PLCH1: variants seen among roughly 807,000 people sequenced by gnomAD.
The protein encoded by PLCH1 is 1-phosphatidylinositol 4,5-bisphosphate phosphodiesterase eta-1.
Under a neutral mutation model 126.7 loss-of-function variants are expected in PLCH1, and 60 were observed. That is an observed-to-expected ratio of 0.47 (90% CI 0.38 to 0.59). The LOEUF is 0.59. PLCH1 is among the 20% of genes least tolerant of loss of function. The pLI is 0.00. For missense variants in PLCH1, 1,723 were observed against 2,040.0 expected, an observed-to-expected ratio of 0.84 and a Z score of 2.99; for synonymous variants, 719 against 734.9, an observed-to-expected ratio of 0.98 and a Z score of 0.35.
intron 2 of PLCH1, among the ~76,000 whole-genome samples, chr3:155,618,833 A>T (rs932151251): frequency 2.0e-5 from 3 of 152,122 alleles, no homozygotes; most frequent in Admixed American, 2.0e-4. Flanking sequence ...GCCACAGGCC[A>T]GACCACCAAG....
intron 12 of PLCH1, among the ~76,000 whole-genome samples, chr3:155,511,811 C>G (rs2108217686): frequency 6.6e-6 from 1 of 151,532 alleles, no homozygotes; most frequent in South Asian, 2.1e-4. Context: ...GTTTGTTTGT[C>G]TGTGCCCTGC....
At chr3:155,505,688 T>C (rs2108173888) in intron 12 of PLCH1, among the ~76,000 whole-genome samples, 1 of 152,254 alleles carries the variant, frequency 6.6e-6, no homozygotes, top group Middle Eastern at 3.4e-3. Context: ...ACAAGGTGAT[T>C]GATGTTAGGT....
At chr3:155,570,487 G>A (rs1729055329) in intron 6 of PLCH1, among the ~76,000 whole-genome samples, 1 of 152,134 alleles carries the variant, frequency 6.6e-6, no homozygotes, top group Non-Finnish European at 1.5e-5. Context: ...GGCAACTGGT[G>A]CTAAAAGAAG....
At chr3:155,462,576 G>A (rs183382675) in intron 21 of PLCH1, among the ~76,000 whole-genome samples, 26 of 152,178 alleles carry the variant, frequency 1.7e-4, no homozygotes, top group Non-Finnish European at 2.9e-4. Flanking sequence ...TCTTGTTCTC[G>A]TACAACATTT....
At chr3:155,623,150 T>C (rs1736739161) in intron 2 of PLCH1, among the ~76,000 whole-genome samples, 1 of 150,358 alleles carries the variant, frequency 6.7e-6, no homozygotes, top group Admixed American at 6.6e-5. Flanking sequence ...GAATCCTGAA[T>C]GACTACTGGG....
At chr3:155,633,272 C>T (rs1187657879) in intron 2 of PLCH1, among the ~76,000 whole-genome samples, 2 of 150,434 alleles carry the variant, frequency 1.3e-5, no homozygotes, top group Non-Finnish European at 2.9e-5. Flanking sequence ...GTTTCGAGGT[C>T]ATAATCTTAT....
At chr3:155,598,685 TTACTAACTGTATGACTACATACAGC>T (rs1403025057) in intron 2 of PLCH1, among the ~76,000 whole-genome samples, 1 of 152,216 alleles carries the variant, frequency 6.6e-6, no homozygotes, top group Admixed American at 6.5e-5. Context: ...GATCTGCCAC[TTACTAACTGTATGACTACATACAGC>T]TAGTAACTCA....
chr3:155,600,364 A>G (rs1400161220), intron 2 of PLCH1, among the ~76,000 whole-genome samples: 1 of 152,228 alleles, frequency 6.6e-6, no homozygotes, highest in African/African-American at 2.4e-5. Flanking sequence ...CCTAAAAATC[A>G]TTGTCCACCC....
At chr3:155,563,851 C>T (rs993916605) in intron 8 of PLCH1, among the ~76,000 whole-genome samples, 5 of 152,068 alleles carry the variant, frequency 3.3e-5, no homozygotes, top group Admixed American at 6.6e-5. Flanking sequence ...TCACATTTTA[C>T]CTCGCACTTC....
chr3:155,572,375 T>C (rs186960712), intron 6 of PLCH1, among the ~76,000 whole-genome samples: 11 of 152,344 alleles, frequency 7.2e-5, no homozygotes, highest in Admixed American at 2.0e-4. Context: ...TTGAGAAATC[T>C]GATGCCATTC....
In PLCH1 at chr3:155,488,889, G is replaced by A. The variant is rs113291727; in HGVS notation, c.2393-83C>T. The A allele has an allele frequency of 1.8e-5, 22 of 1,211,522 alleles. No homozygotes were observed. The East Asian group carries it at 2.3e-4, about 13-fold the overall frequency. 75.0% of individuals were successfully genotyped at this position (1,211,522 alleles called of 1,614,324 possible). A position where few individuals can be genotyped will look rare whatever the true frequency, so the allele number is the denominator to read the frequency against. On this transcript the variant is annotated intron_variant, in intron 19 of 22. Coordinates refer to ENST00000460012, the MANE Select transcript of PLCH1 (RefSeq NM_014996.4). Reference sequence around the variant, plus strand: ...TGGCAGCAACATCTGCAAAGCAGACGGTGAAAATTGCTTGCAATGGTTATT... The same window carrying A: ...TGGCAGCAACATCTGCAAAGCAGACAGTGAAAATTGCTTGCAATGGTTATT...
At chr3:155,484,437 A>T (rs946082226) in intron 22 of PLCH1, among the ~76,000 whole-genome samples, 1 of 152,242 alleles carries the variant, frequency 6.6e-6, no homozygotes, top group East Asian at 1.9e-4. Flanking sequence ...TGTAACAAAA[A>T]TCAATACAAG....
intron 4 of PLCH1, among the ~76,000 whole-genome samples, chr3:155,590,450 C>T (rs1238810935): frequency 5.9e-5 from 9 of 151,980 alleles, no homozygotes; most frequent in African/African-American, 1.9e-4. Context: ...TGGTGGCGGG[C>T]GCCTGTAGTC....
At chr3:155,720,734 C>T (rs946063727) in intron 1 of PLCH1, among the ~76,000 whole-genome samples, 1 of 152,050 alleles carries the variant, frequency 6.6e-6, no homozygotes, top group Non-Finnish European at 1.5e-5. Flanking sequence ...AATTAAGTCC[C>T]ATCTATTTAT....
chr3:155,704,108 T>C lies in PLCH1; in HGVS notation c.79+38A>G, dbSNP rs527257456. The stretch of plus-strand genomic sequence containing the variant: ...AATAAAAGTCCTGTCAGAAACAAAA[T>C]AAAAGATCCAACTACATAAATACAA... On this transcript the variant is annotated intron_variant, in intron 2 of 22. Coordinates refer to ENST00000460012, the MANE Select transcript of PLCH1 (RefSeq NM_014996.4). The C allele has an allele frequency of 1.0e-4, 95 of 932,244 alleles. No individual in the cohort carries two copies. The South Asian group carries it at 4.5e-3, about 44-fold the overall frequency. The allele number at this position is 932,244 out of a possible 1,614,324, so 57.7% of individuals were successfully genotyped here. A position where few individuals can be genotyped will look rare whatever the true frequency, so the allele number is the denominator to read the frequency against.
At chr3:155,574,831 G>A (rs926130281) in intron 6 of PLCH1, among the ~76,000 whole-genome samples, 3 of 152,058 alleles carry the variant, frequency 2.0e-5, no homozygotes, top group Non-Finnish European at 4.4e-5. Context: ...CTTTAATTGT[G>A]AATAATTAAG....
At chr3:155,472,619 A>C (rs199793442) in intron 21 of PLCH1, among the ~76,000 whole-genome samples, 6 of 151,074 alleles carry the variant, frequency 4.0e-5, no homozygotes, top group South Asian at 2.1e-4. Flanking sequence ...GGCAGAGACA[A>C]AACCAAAAAA....
Position 155,481,544 on chromosome 3 carries a change from G to A in PLCH1, c.4482C>T (p.Asp1494=). 1 of 1,614,126 alleles carries A rather than the reference G, an allele frequency of 6.2e-7. No individual in the cohort carries two copies. The highest frequency in any genetic ancestry group is 8.5e-7 in the Non-Finnish European group (1 of 1,180,016). The change falls in exon 23 of 23, where the codon GAC becomes GAT. Residue 1494 remains aspartate, a synonymous_variant. Coordinates refer to ENST00000460012, the MANE Select transcript of PLCH1 (RefSeq NM_014996.4). The surrounding 1 kb of genome is among the most constrained non-coding windows in gnomAD (Gnocchi z 4.2). ...ACTTGCTCTCAAAATTGCAGGCAAT[G>A]TCCTCTGATGTTAAGTCCCCCAGAC... is the stretch of plus-strand genomic sequence containing the variant. ...SKSLGDLTSE[D]IACNFESKYQ... is the part of the protein sequence containing the mutation.
intron 2 of PLCH1, among the ~76,000 whole-genome samples, chr3:155,662,579 A>T (rs1403603896): frequency 6.6e-6 from 1 of 151,932 alleles, no homozygotes; most frequent in African/African-American, 2.4e-5. Flanking sequence ...GAGAATGGAG[A>T]CACATTGCAA....
Sources: gnomAD v4.1 joint callset for allele counts (sites outside exome capture counted in the v4.1 genomes callset) on GRCh38, gnomAD v4.1.1 for gene constraint, Gnocchi (gnomAD v3.1) non-coding constraint, MANE v1.5 for transcripts, NCBI Gene and HGNC (gene_info 2026-07-23, HGNC 2026-07-21) for gene names.